Variants in CFAP74 observed in about 807,000 individuals in gnomAD.
The protein encoded by CFAP74 is cilia and flagella associated protein 74.
CFAP74 carries 124 observed loss-of-function variants against 188.9 expected under a neutral mutation model. The observed-to-expected ratio is 0.66, with a 90% CI of 0.57 to 0.76. CFAP74 has a LOEUF of 0.76. CFAP74 is among the 30% of genes least tolerant of loss of function. The probability of loss-of-function intolerance (pLI) is 0.00; values close to 1 mark genes in which losing one functional copy is unlikely to be tolerated. For missense variants in CFAP74, 2,198 were observed against 2,165.2 expected (o/e 1.02, Z -0.30); for synonymous variants, 956 against 916.7 (o/e 1.04, Z -0.77).
intron 6 of CFAP74, among the ~76,000 whole-genome samples, chr1:1,978,380 G>T (rs1174006411): frequency 6.6e-6 from 1 of 152,178 alleles, no homozygotes; most frequent in Non-Finnish European, 1.5e-5. Flanking sequence ...AGCCGGGCTG[G>T]TTCCTCGGTG....
At chr1:1,934,596 C>CGT (rs1181494326) in intron 25 of CFAP74, among the ~76,000 whole-genome samples, 15 of 146,866 alleles carry the variant, frequency 1.0e-4, no homozygotes, top group African/African-American at 3.8e-4. Flanking sequence ...TATAGGTACA[C>CGT]GTGTGTATGT....
At chr1:1,963,911 G>C in intron 13 of CFAP74, 44 bp from the exon 14 acceptor site, 2 of 1,295,204 alleles carry the variant, frequency 1.5e-6, no homozygotes, top group Non-Finnish European at 2.2e-6. Flanking sequence ...GTCACAGGGG[G>C]CTGTGCTGTG....
At position 1,962,788 on chromosome 1, in the gene CFAP74, T is replaced by C. The variant is rs112808323; in HGVS notation, c.1694+961A>G. ...TGGTCCCAGTTACTCAGGAGGCTGA[T>C]TGAGGCAGGAGGATTGCTGGAGCCT... On this transcript the variant is annotated intron_variant, in intron 14 of 38. Transcript: ENST00000682832. Among the ~76,000 whole-genome samples the C allele has an allele frequency of 8.6e-3, 1,315 of 152,080 alleles. 15 individuals are homozygous for C. The highest frequency in any genetic ancestry group is 0.03 in the African/African-American group (1,252 of 41,484).
At chr1:1,962,830 A>G (rs1448771029) in intron 14 of CFAP74, among the ~76,000 whole-genome samples, 1 of 152,224 alleles carries the variant, frequency 6.6e-6, no homozygotes, top group East Asian at 1.9e-4. Flanking sequence ...TTGAGGCTGC[A>G]GTGAACTGAG....
chr1:1,959,983 A>G lies in CFAP74; in HGVS notation c.1742T>C (p.Leu581Pro). The change falls in exon 15 of 39, where the codon CTT (leucine) becomes CCT (proline). Residue 581 changes from leucine (L) to proline (P), a missense_variant. Physicochemically the swap from Leu to Pro is moderately conservative, Grantham distance 98 (BLOSUM62 -3). Transcript: ENST00000682832. The stretch of plus-strand genomic sequence containing the variant: ...ACTCACCATCGGCTTGAAGGTGACA[A>G]GCACTTCACAGGACATTCCGGCTGA... ...PLSAGMSCEV[L>P]VTFKPMINKD... The G allele has an allele frequency of 1.3e-6, 2 of 1,594,776 alleles. No individual in the cohort carries two copies. The highest frequency in any genetic ancestry group is 4.7e-5 in the East Asian group (2 of 42,408).
Position 1,930,222 on chromosome 1 carries a change from G to A in CFAP74, c.3126C>T (p.Tyr1042=), listed in dbSNP as rs1029171594. The change falls in exon 26 of 39, where the codon TAC becomes TAT. Residue 1042 remains tyrosine, a synonymous_variant. Transcript: ENST00000682832. ...ALYDTSVATV[Y]VINSHLSMSS... The stretch of plus-strand genomic sequence containing the variant: ...TCATGCTCAGGTGAGAGTTGATGAC[G>A]TACACTGTAGCCACGGAGGTGTCGT... 3.3e-5 allele frequency: 51 copies of A among 1,535,594 alleles called. No individual in the cohort carries two copies. Among genetic ancestry groups the A allele is most frequent in the South Asian group, 3.6e-5 (3 of 84,066 alleles).
intron 21 of CFAP74, among the ~76,000 whole-genome samples, chr1:1,943,346 G>A (rs1290797695): frequency 6.6e-6 from 1 of 152,218 alleles, no homozygotes; most frequent in Non-Finnish European, 1.5e-5. Context: ...GGTCACCGCA[G>A]GCTGCACATT....
At chr1:1,934,520 T>C (rs1652686332) in intron 25 of CFAP74, among the ~76,000 whole-genome samples, 1 of 151,644 alleles carries the variant, frequency 6.6e-6, no homozygotes, top group Admixed American at 6.6e-5. Flanking sequence ...TGTTAGGTTG[T>C]AGGTACACAG....
intron 17 of CFAP74, 46 bp downstream of exon 17, chr1:1,956,574 G>T: frequency 6.2e-7 from 1 of 1,607,402 alleles, no homozygotes; most frequent in Non-Finnish European, 8.5e-7. Context: ...GACTGGATTT[G>T]GGGGGCAGGT....
intron 6 of CFAP74, among the ~76,000 whole-genome samples, chr1:1,978,891 C>T (rs372818546): frequency 1.3e-5 from 2 of 152,268 alleles, no homozygotes; most frequent in Non-Finnish European, 2.9e-5. Flanking sequence ...GCACACAAAG[C>T]CTCTTCTTCG....
chr1:1,966,189 C>T (rs1039589602), intron 12 of CFAP74, among the ~76,000 whole-genome samples, 182 bp downstream of exon 12: 4 of 152,210 alleles, frequency 2.6e-5, no homozygotes, highest in African/African-American at 9.7e-5. Flanking sequence ...GAGGGAAAGG[C>T]ATGAGTGTGG....
chr1:1,928,867 C>T lies in CFAP74; in HGVS notation c.3304G>A (p.Val1102Met), dbSNP rs1355443697. 1.3e-6 allele frequency: 2 copies of T among 1,535,556 alleles called. No homozygotes were observed. Among genetic ancestry groups the T allele is most frequent in the Admixed American group, 2.0e-5 (1 of 50,984 alleles). Residue 1102 changes from valine (V) to methionine (M), a missense_variant, in exon 27 of 39, where the codon GTG (valine) becomes ATG (methionine). Val to Met is a conservative substitution (Grantham distance 21, BLOSUM62 1). Transcript: ENST00000682832. ...TCGGGCAGCACTGGCCGGAAGGCCACCTGGACCAGGCACCTCTGAGGAGAG... is the reference window on the plus strand; with the variant it reads ...TCGGGCAGCACTGGCCGGAAGGCCATCTGGACCAGGCACCTCTGAGGAGAG... ...VWPGKRCLVQ[V>M]AFRPVLPEKL... is the part of the protein sequence containing the mutation.
chr1:1,960,438 G>A (rs1341312019), intron 14 of CFAP74, among the ~76,000 whole-genome samples: 1 of 152,248 alleles, frequency 6.6e-6, no homozygotes, highest in Non-Finnish European at 1.5e-5. Flanking sequence ...GCCAGGAAGA[G>A]AGCTGGAACT....
chr1:1,926,119 G>T (rs1348207345), intron 32 of CFAP74, 109 bp downstream of exon 32: 6 of 1,435,776 alleles, frequency 4.2e-6, no homozygotes, highest in Non-Finnish European at 4.6e-6. Flanking sequence ...GCAGACCCAG[G>T]CTTAGTCCCA....
chr1:1,937,217 C>T (rs950453686), intron 25 of CFAP74, among the ~76,000 whole-genome samples: 7 of 152,350 alleles, frequency 4.6e-5, no homozygotes, highest in East Asian at 1.9e-4. Context: ...GGAGAGGCGA[C>T]GGGGCGTTAG....
chr1:1,934,212 ATGTG>A (rs1225182127), intron 25 of CFAP74, among the ~76,000 whole-genome samples: 1 of 152,184 alleles, frequency 6.6e-6, no homozygotes, highest in African/African-American at 2.4e-5. Flanking sequence ...AAGTGTGTGT[ATGTG>A]TGAGTGTTAG....
intron 9 of CFAP74, 112 bp from the exon 10 acceptor site, chr1:1,970,928 T>TGCACACACAC (rs1655928606): frequency 7.6e-7 from 1 of 1,314,860 alleles, no homozygotes; most frequent in Non-Finnish European, 1.1e-6. Context: ...TGCACACACG[T>TGCACACACAC]GCACACACAC....
At chr1:1,947,382 A>C (rs985656316) in intron 18 of CFAP74, among the ~76,000 whole-genome samples, 1 of 152,172 alleles carries the variant, frequency 6.6e-6, no homozygotes, top group African/African-American at 2.4e-5. Context: ...TCTTTTGGGG[A>C]TGTTTCTTCT....
intron 1 of CFAP74, among the ~76,000 whole-genome samples, chr1:1,997,342 A>G (rs1383585777): frequency 6.6e-6 from 1 of 152,030 alleles, no homozygotes; most frequent in East Asian, 1.9e-4. Flanking sequence ...GAAACGTTTG[A>G]ACCCAGGAGG....
Sources: allele counts gnomAD v4.1 joint callset (sites outside exome capture counted in the v4.1 genomes callset), GRCh38; gene constraint gnomAD v4.1.1; transcripts MANE v1.5; gene names NCBI Gene and HGNC (gene_info 2026-07-23, HGNC 2026-07-21).